Variants in HUWE1 observed in about 807,000 individuals in gnomAD.
HUWE1 encodes E3 ubiquitin-protein ligase HUWE1.
In HUWE1, 18 loss-of-function variants were observed where a neutral mutation model predicts 299.4. That is an observed-to-expected ratio of 0.06 (90% confidence interval 0.04 to 0.09). HUWE1 has a LOEUF of 0.09. Among genes scored for constraint, HUWE1 ranks in the 10% least tolerant of loss-of-function variants. HUWE1 has a pLI of 1.00. For missense variants in HUWE1, 1,832 were observed against 3,462.3 expected (o/e 0.53, Z 11.82); for synonymous variants, 1,317 against 1,286.1 (o/e 1.02, Z -0.51).
At chrX:53,625,472 T>G (rs1038560039) in intron 17 of HUWE1, 35 of 344,824 alleles carry the variant, frequency 1.0e-4, no homozygotes, top group African/African-American at 8.7e-4. Flanking sequence ...ACTAAAAGTC[T>G]AAAGTAAAAA....
intron 3 of HUWE1, among the ~76,000 whole-genome samples, chrX:53,658,064 T>TAAAAAAAAAAAA (rs2068835511): frequency 1.0e-4 from 2 of 19,869 alleles, no homozygotes; most frequent in African/African-American, 1.6e-4. Context: ...AAAAAAAAAG[T>TAAAAAAAAAAAA]CAATTGCTTT....
chrX:53,550,109 C>T (rs1470639873), intron 66 of HUWE1, among the ~76,000 whole-genome samples: 1 of 111,093 alleles, frequency 9.0e-6, no homozygotes, highest in African/African-American at 3.3e-5. Flanking sequence ...AAGTGACTTG[C>T]CCTACATCAC....
chrX:53,533,284 C>T lies in HUWE1; in HGVS notation c.*25G>A, dbSNP rs781977893. On this transcript the variant is annotated 3_prime_UTR_variant, in exon 84 of 84. Coordinates refer to ENST00000262854, the MANE Select transcript of HUWE1 (RefSeq NM_031407.7). ...CCAGGTCCAACAATGGTAAAAAAAA[C>T]CCCACGGAGTTGGGCAGGGCCTTAT... is the stretch of plus-strand genomic sequence containing the variant. 13 of 1,043,702 alleles carry T rather than the reference C, an allele frequency of 1.2e-5. No individual in the cohort carries two copies. In the South Asian group the frequency reaches 2.5e-4, roughly 20 times the overall value. 86.0% of individuals were successfully genotyped at this position (1,043,702 alleles called of 1,213,427 possible).
Position 53,532,252 on chromosome X carries a change from G to A in HUWE1, c.*1057C>T, listed in dbSNP as rs1340497907. The A allele has an allele frequency of 8.9e-6, 1 of 112,006 alleles. No homozygotes were observed. The highest frequency in any genetic ancestry group is 1.9e-5 in the Non-Finnish European group (1 of 53,261). 9.2% of individuals were successfully genotyped at this position (112,006 alleles called of 1,213,427 possible). On this transcript the variant is annotated 3_prime_UTR_variant, in exon 84 of 84. Transcript: ENST00000262854. ...GAACAGACTGGCAGACAGATGACGA[G>A]AGAGGGAGTGACGACAACAAAAATA...
rs1191700027 is a variant in HUWE1 at position 53,589,627 on chromosome X, C to T, written c.4381G>A (p.Val1461Met). Residue 1461 changes from valine to methionine, a missense_variant, in exon 36 of 84, where the codon GTG (valine) becomes ATG (methionine). Physicochemically the swap from Val to Met is conservative, Grantham distance 21. Transcript: ENST00000262854. ...LDELPDTVYR[V>M]CDLIMTAIKR... ...ATTGCTGTCATGATCAGGTCACACA[C>T]ACGGTATACTGTGTCTGGCAGCTCA... The T allele has an allele frequency of 1.7e-6, 2 of 1,209,105 alleles. No individual in the cohort carries two copies. The highest frequency in any genetic ancestry group is 2.2e-6 in the Non-Finnish European group (2 of 894,615).
intron 83 of HUWE1, 173 bp downstream of exon 83, chrX:53,533,834 G>A: frequency 3.9e-6 from 2 of 512,044 alleles, no homozygotes; most frequent in Non-Finnish European, 7.0e-6. Flanking sequence ...CCCCCACTGT[G>A]TCTAGCACAT....
intron 9 of HUWE1, among the ~76,000 whole-genome samples, chrX:53,632,271 C>T (rs962609629): frequency 8.9e-6 from 1 of 111,897 alleles, no homozygotes; most frequent in African/African-American, 3.2e-5. Flanking sequence ...ATGGATGGGA[C>T]TTGCATCTTT....
chrX:53,597,314 A>G (rs374761171), intron 29 of HUWE1, among the ~76,000 whole-genome samples: 24 of 108,706 alleles, frequency 2.2e-4, no homozygotes, highest in East Asian at 1.4e-3. Flanking sequence ...CATACAGACA[A>G]AAGTGCCCTA....
chrX:53,593,979 C>G (rs1456110579), intron 31 of HUWE1, among the ~76,000 whole-genome samples: 1 of 110,716 alleles, frequency 9.0e-6, no homozygotes, highest in Non-Finnish European at 1.9e-5. Context: ...CGCCTGTAGT[C>G]CCAGCTACTC....
chrX:53,650,585 A>G (rs1329583554), intron 4 of HUWE1, among the ~76,000 whole-genome samples: 3 of 112,668 alleles, frequency 2.7e-5, no homozygotes, highest in Non-Finnish European at 3.8e-5. Context: ...ACGTTAAGAT[A>G]TAAGAAAGCA....
chrX:53,627,607 T>C (rs1315542631), intron 16 of HUWE1, 92 bp from the exon 17 acceptor site: 4 of 762,666 alleles, frequency 5.2e-6, no homozygotes, highest in Non-Finnish European at 7.6e-6. Context: ...GGAAAAACAC[T>C]GCAAGCAGAT....
In HUWE1 at chrX:53,630,931, T is replaced by C; in HGVS notation, c.862+4A>G. ...GCCTGGTAATTAAAGTATTCTTCTC[T>C]TACCTAATATAGATATTGCATGCAG... On this transcript the variant is annotated splice_donor_region_variant and intron_variant, in intron 12 of 83. Transcript: ENST00000262854. The C allele has an allele frequency of 9.2e-7, 1 of 1,085,053 alleles. No individual in the cohort carries two copies. The highest frequency in any genetic ancestry group is 1.3e-6 in the Non-Finnish European group (1 of 779,897). 89.4% of individuals were successfully genotyped at this position (1,085,053 alleles called of 1,213,427 possible).
chrX:53,601,117 G>C (rs1861652682), intron 28 of HUWE1, among the ~76,000 whole-genome samples: 1 of 110,800 alleles, frequency 9.0e-6, no homozygotes, highest in African/African-American at 3.3e-5. Flanking sequence ...CTAAGCCTAT[G>C]TCAGCTTTAT....
chrX:53,609,554 CTT>C (rs1557000147), intron 23 of HUWE1, among the ~76,000 whole-genome samples: 1 of 112,390 alleles, frequency 8.9e-6, no homozygotes, highest in Non-Finnish European at 1.9e-5. Flanking sequence ...GGTCTTTTGT[CTT>C]TTCAGTTGCT....
Position 53,558,792 on chromosome X carries a change from C to A in HUWE1, c.8023G>T (p.Val2675Phe), listed in dbSNP as rs782079675. 3 of 1,210,008 alleles carry A rather than the reference C, an allele frequency of 2.5e-6. No homozygotes were observed. In the African/African-American group the frequency reaches 5.2e-5, roughly 21 times the overall value. Residue 2675 changes from valine (V) to phenylalanine (F), a missense_variant, in exon 59 of 84, where the codon GTC becomes TTC. Physicochemically the swap from Val to Phe is conservative, Grantham distance 50 (BLOSUM62 -1). Transcript: ENST00000262854. ...TCCCTCAGGAATTCCAGGTGATTGA[C>A]AATGGACACTTTAACCACTGTTTCA... ...DCVSVVKVSI[V>F]NHLEFLRDEE...
Position 53,563,734 on chromosome X carries a change from T to TGG in HUWE1, c.7105+10_7105+11dup. The TGG allele has an allele frequency of 8.3e-7, 1 of 1,209,955 alleles. No individual in the cohort carries two copies. Among genetic ancestry groups the TGG allele is most frequent in the Non-Finnish European group, 1.1e-6 (1 of 894,477 alleles). On this transcript the variant is annotated intron_variant, in intron 52 of 83. Coordinates refer to ENST00000262854, the MANE Select transcript of HUWE1 (RefSeq NM_031407.7). ...CAAAGGAAGAGGCTATACTCAGTTC[T>TGG]GGGGCTCTCACCTATAATTGTACTG...
intron 3 of HUWE1, among the ~76,000 whole-genome samples, chrX:53,654,826 C>A (rs1401978729): frequency 2.7e-5 from 3 of 112,092 alleles, no homozygotes; most frequent in Non-Finnish European, 5.6e-5. Context: ...TCATTGTTAA[C>A]CAAAAGGATT....
intron 3 of HUWE1, among the ~76,000 whole-genome samples, chrX:53,674,944 T>G (rs1431984394): frequency 8.9e-6 from 1 of 112,223 alleles, no homozygotes; most frequent in Non-Finnish European, 1.9e-5. Context: ...TATAATGACC[T>G]TATCTTCGTA....
intron 16 of HUWE1, 67 bp downstream of exon 16, chrX:53,627,672 C>T (rs2066610213): frequency 9.5e-7 from 1 of 1,048,114 alleles, no homozygotes; most frequent in African/African-American, 1.9e-5. Flanking sequence ...TTAGGGTTAT[C>T]AGGACAATCC....
Sources: allele counts gnomAD v4.1 joint callset (sites outside exome capture counted in the v4.1 genomes callset), GRCh38; gene constraint gnomAD v4.1.1; transcripts MANE v1.5; gene names NCBI Gene and HGNC (gene_info 2026-07-23, HGNC 2026-07-21).